KIF13A: variants seen among roughly 807,000 people sequenced by gnomAD.
The protein encoded by KIF13A is kinesin family member 13A, also known as kinesin-like protein KIF13A.
Under a neutral mutation model 212.2 loss-of-function variants are expected in KIF13A, and 79 were observed. The observed-to-expected ratio is 0.37, with a 90% confidence interval of 0.31 to 0.45. KIF13A has a LOEUF of 0.45. KIF13A is among the 20% of genes least tolerant of loss of function. The pLI is 1.00. For missense variants in KIF13A, 1,901 were observed against 2,209.0 expected (o/e 0.86, Z 2.79); for synonymous variants, 789 against 808.6 (o/e 0.98, Z 0.41).
rs1359706299 is a variant in KIF13A, at chr6:17,915,171, G to T, written c.147-16991C>A. Among the ~76,000 whole-genome samples the T allele has an allele frequency of 6.6e-6, 1 of 152,304 alleles. No individual in the cohort carries two copies. Among genetic ancestry groups the T allele is most frequent in the East Asian group, 1.9e-4 (1 of 5,188 alleles). On this transcript the variant is annotated intron_variant, in intron 2 of 38. Transcript: ENST00000259711. This position sits in a 1 kb window ranked among gnomAD's most constrained non-coding sequence, Gnocchi z 4.4. Reference sequence around the variant, plus strand: ...TTCATGCTCCATGTAATAGCTTCAGGGTTATTAGCTGAATAATCCCTTAGG... The same window carrying T: ...TTCATGCTCCATGTAATAGCTTCAGTGTTATTAGCTGAATAATCCCTTAGG...
chr6:17,882,942 T>C (rs1165569565), intron 3 of KIF13A, among the ~76,000 whole-genome samples: 3 of 152,228 alleles, frequency 2.0e-5, no homozygotes, highest in African/African-American at 7.2e-5. Flanking sequence ...TATGTGTGTA[T>C]ATATATGTAT....
At chr6:17,969,609 G>C (rs1267753365) in intron 2 of KIF13A, among the ~76,000 whole-genome samples, 5 of 152,018 alleles carry the variant, frequency 3.3e-5, no homozygotes, top group African/African-American at 1.2e-4. Flanking sequence ...CTTATGCTGG[G>C]GACTCTTGTT....
At chr6:17,784,713 T>C (rs929775882) in intron 28 of KIF13A, among the ~76,000 whole-genome samples, 4 of 151,868 alleles carry the variant, frequency 2.6e-5, no homozygotes, top group Non-Finnish European at 4.4e-5. Context: ...CAGAACAAGA[T>C]TGGGGTGAGT....
intron 2 of KIF13A, among the ~76,000 whole-genome samples, chr6:17,939,067 A>G (rs368902497): frequency 3.9e-5 from 6 of 152,166 alleles, no homozygotes; most frequent in East Asian, 3.9e-4. Context: ...ATTTTCTCCA[A>G]TTGAGTAAAA....
In KIF13A at chr6:17,834,196, G is replaced by A; in HGVS notation, c.1156-125C>T. On this transcript the variant is annotated intron_variant, in intron 11 of 38. Coordinates refer to ENST00000259711, the MANE Select transcript of KIF13A (RefSeq NM_022113.6). This position sits in a 1 kb window ranked among gnomAD's most constrained non-coding sequence, Gnocchi z 4.0. ...GTTGGAAAAAATTAAGTTATATGCTGTTAGGGTGGGTTTTTAACCTTTATT... is the reference window on the plus strand; with the variant it reads ...GTTGGAAAAAATTAAGTTATATGCTATTAGGGTGGGTTTTTAACCTTTATT... The A allele has an allele frequency of 1.7e-6, 1 of 573,900 alleles. No individual in the cohort carries two copies. The highest frequency in any genetic ancestry group is 3.0e-6 in the Non-Finnish European group (1 of 336,836). 35.6% of individuals were successfully genotyped at this position (573,900 alleles called of 1,614,324 possible).
At chr6:17,960,686 T>C (rs963274656) in intron 2 of KIF13A, among the ~76,000 whole-genome samples, 1 of 152,156 alleles carries the variant, frequency 6.6e-6, no homozygotes, top group Non-Finnish European at 1.5e-5. Context: ...AAAGGGACCA[T>C]GGGTTTTAAA....
chr6:17,814,638 A>C (rs1183410679), intron 17 of KIF13A, among the ~76,000 whole-genome samples: 1 of 152,026 alleles, frequency 6.6e-6, no homozygotes, highest in Non-Finnish European at 1.5e-5. Flanking sequence ...TGTTTTTTTC[A>C]CTTCCTAGAT....
At chr6:17,780,601 AG>A in intron 31 of KIF13A, 128 bp downstream of exon 31, 1 of 800,364 alleles carries the variant, frequency 1.2e-6, no homozygotes, top group Non-Finnish European at 2.0e-6. Flanking sequence ...AATGAGAATC[AG>A]ACTATAACTT....
rs1018950315 is a variant in KIF13A, at chr6:17,838,502, G to A, written c.831-919C>T. On this transcript the variant is annotated intron_variant, in intron 9 of 38. Transcript: ENST00000259711. This position sits in a 1 kb window ranked among gnomAD's most constrained non-coding sequence, Gnocchi z 4.2. ...AAAGACGAGTCACTGAAAAGTCCCCGAAATATAATATAAACTCAAGATTCA... is the reference window on the plus strand; with the variant it reads ...AAAGACGAGTCACTGAAAAGTCCCCAAAATATAATATAAACTCAAGATTCA... 1.2e-4 allele frequency among the ~76,000 whole-genome samples: 19 copies of A among 152,012 alleles called. No homozygotes were observed. The Middle Eastern group carries it at 0.017, about 136-fold the overall frequency.
At chr6:17,817,403 G>A (rs1764044340) in intron 16 of KIF13A, among the ~76,000 whole-genome samples, 170 bp from the exon 17 acceptor site, 1 of 152,210 alleles carries the variant, frequency 6.6e-6, no homozygotes, top group Non-Finnish European at 1.5e-5. Context: ...CAAATTCCTT[G>A]TTACAGACAT....
At chr6:17,972,286 TC>T (rs550299589) in intron 2 of KIF13A, among the ~76,000 whole-genome samples, 16 of 152,330 alleles carry the variant, frequency 1.1e-4, no homozygotes, top group Admixed American at 8.5e-4. Context: ...ATGTAACCAT[TC>T]CCTGTTACAA....
chr6:17,923,921 T>A (rs749164962), intron 2 of KIF13A, among the ~76,000 whole-genome samples: 1 of 152,160 alleles, frequency 6.6e-6, no homozygotes, highest in African/African-American at 2.4e-5. Flanking sequence ...AGTATTTACA[T>A]GATCAGCCCT....
intron 18 of KIF13A, among the ~76,000 whole-genome samples, chr6:17,806,528 A>G (rs1762963650): frequency 6.6e-6 from 1 of 152,220 alleles, no homozygotes; most frequent in African/African-American, 2.4e-5. Context: ...TGAATGGATG[A>G]AAAACAATTT....
At chr6:17,797,694 G>A (rs1762162527) in intron 22 of KIF13A, among the ~76,000 whole-genome samples, 1 of 152,110 alleles carries the variant, frequency 6.6e-6, no homozygotes, top group African/African-American at 2.4e-5. Context: ...AAGTGACCAG[G>A]AGATAGTGAC....
chr6:17,793,091 A>AT (rs1283855173), intron 25 of KIF13A, among the ~76,000 whole-genome samples: 1 of 151,448 alleles, frequency 6.6e-6, no homozygotes, highest in African/African-American at 2.4e-5. Flanking sequence ...TCCTAATTTT[A>AT]TTTTTTTTGA....
In KIF13A at chr6:17,793,537, A is replaced by C. The variant is rs569478435; in HGVS notation, c.3222+712T>G. 2.0e-4 allele frequency among the ~76,000 whole-genome samples: 31 copies of C among 152,326 alleles called. 2 individuals are homozygous for C. In the South Asian group the frequency reaches 6.4e-3, roughly 32 times the overall value. ...AGATTTAATGAGCAAAAATGATCAT[A>C]AGGACAAATTTTAACAAAAAAAGAA... is the stretch of plus-strand genomic sequence containing the variant. On this transcript the variant is annotated intron_variant, in intron 25 of 38. Coordinates refer to ENST00000259711, the MANE Select transcript of KIF13A (RefSeq NM_022113.6).
rs572215343 is a variant in KIF13A at position 17,861,192 on chromosome 6, C to T, written c.221-5070G>A. Among the ~76,000 whole-genome samples, 16 of 152,162 alleles carry T rather than the reference C, an allele frequency of 1.1e-4. No individual in the cohort carries two copies. In the East Asian group the frequency reaches 1.2e-3, roughly 11 times the overall value. On this transcript the variant is annotated intron_variant, in intron 4 of 38. Transcript: ENST00000259711. ...TAAAAAATTGAAAATGATTATACTA[C>T]GTTTCTGAAAAAATTTTTCATTCTC... is the stretch of plus-strand genomic sequence containing the variant.
rs1431606031 is a variant in KIF13A, at chr6:17,987,540, T to C, written c.-77A>G. The C allele has an allele frequency of 2.5e-6, 2 of 789,040 alleles. No homozygotes were observed. The highest frequency in any genetic ancestry group is 6.7e-5 in the Admixed American group (1 of 14,934). The allele number at this position is 789,040 out of a possible 1,614,324, so 48.9% of individuals were successfully genotyped here. On this transcript the variant is annotated 5_prime_UTR_variant, in exon 1 of 39. Transcript: ENST00000259711. This position sits in a 1 kb window ranked among gnomAD's most constrained non-coding sequence, Gnocchi z 7.7. ...CCCTCACGCGCGGCGCCGCCGCCGC[T>C]GCAGCCGCGCGCCCCTCGAGCGCGG...
intron 22 of KIF13A, among the ~76,000 whole-genome samples, chr6:17,798,787 C>T (rs1269710096): frequency 6.6e-6 from 1 of 152,130 alleles, no homozygotes; most frequent in Non-Finnish European, 1.5e-5. Flanking sequence ...TTATGAGAAA[C>T]TCTATATGAA....
Sources: gnomAD v4.1 joint callset for allele counts (sites outside exome capture counted in the v4.1 genomes callset) on GRCh38, gnomAD v4.1.1 for gene constraint, Gnocchi (gnomAD v3.1) non-coding constraint, MANE v1.5 for transcripts, NCBI Gene and HGNC (gene_info 2026-07-23, HGNC 2026-07-21) for gene names.